FAM135A: variants seen among roughly 807,000 people sequenced by gnomAD.
FAM135A encodes the protein protein FAM135A.
In FAM135A, 79 loss-of-function variants were observed where a neutral mutation model predicts 146.8. The observed-to-expected ratio is 0.54, with a 90% confidence interval of 0.45 to 0.65. The LOEUF is 0.65. Ranked by LOEUF, FAM135A falls within the 30% of genes least tolerant of loss-of-function variation. The pLI is 0.00. For synonymous variants in FAM135A, 562 were observed against 603.6 expected (o/e 0.93, Z 1.01); for missense variants, 1,623 against 1,758.2 (o/e 0.92, Z 1.38).
chr6:70,445,378 C>T (rs186251141), intron 4 of FAM135A, among the ~76,000 whole-genome samples: 3 of 145,238 alleles, frequency 2.1e-5, no homozygotes, highest in Admixed American at 2.0e-4. Flanking sequence ...TCAGGGAAAC[C>T]CTAACCCAGT....
At chr6:70,536,934 A>ATTTTT (rs780326510) in intron 19 of FAM135A, among the ~76,000 whole-genome samples, 3 of 128,932 alleles carry the variant, frequency 2.3e-5, no homozygotes, top group Admixed American at 7.9e-5. Context: ...TGGTACTTTG[A>ATTTTT]TTTTTTTTTT....
chr6:70,428,822 TATC>T (rs1770796281), intron 4 of FAM135A, among the ~76,000 whole-genome samples: 2 of 152,334 alleles, frequency 1.3e-5, no homozygotes, highest in Middle Eastern at 3.4e-3. Context: ...AGTTTTATAA[TATC>T]ATTTTTAATT....
chr6:70,553,255 TAGA>T lies in FAM135A; in HGVS notation c.4229-3492_4229-3490del, dbSNP rs560208925. ...TGGACCCACCTATAACTGCACACCATAGAAGTTCTCCTTTAACCTGTTGATTTG... is the reference window on the plus strand; with the variant it reads ...TGGACCCACCTATAACTGCACACCATAGTTCTCCTTTAACCTGTTGATTTG... On this transcript the variant is annotated intron_variant, in intron 20 of 21. Coordinates refer to ENST00000418814, the MANE Select transcript of FAM135A (RefSeq NM_001162529.3). Among the ~76,000 whole-genome samples the T allele has an allele frequency of 4.1e-3, 628 of 152,302 alleles. 9 individuals carry two copies. Among genetic ancestry groups the T allele is most frequent in the African/African-American group, 0.015 (607 of 41,554 alleles).
In FAM135A at chr6:70,525,620, G is replaced by T; in HGVS notation, c.2536G>T (p.Asp846Tyr). The change falls in exon 15 of 22, where the codon GAT becomes TAT. Residue 846 changes from aspartate to tyrosine, a missense_variant. Physicochemically the swap from Asp to Tyr is radical, Grantham distance 160. Transcript: ENST00000418814. ...GACATCCATAAACTCTCTACCCTCCGATGATGAACTGTCACCTGATGAAAA... is the reference window on the plus strand; with the variant it reads ...GACATCCATAAACTCTCTACCCTCCTATGATGAACTGTCACCTGATGAAAA... ...SLTSINSLPSDDELSPDENSK... is the reference protein window; with the variant it reads ...SLTSINSLPSYDELSPDENSK... 6.2e-7 allele frequency: 1 copy of T among 1,613,366 alleles called. No homozygotes were observed. The highest frequency in any genetic ancestry group is 8.5e-7 in the Non-Finnish European group (1 of 1,179,636).
At chr6:70,481,892 A>G (rs1350356558) in intron 9 of FAM135A, 109 bp from the exon 10 acceptor site, 9 of 1,052,490 alleles carry the variant, frequency 8.6e-6, no homozygotes, top group Non-Finnish European at 1.1e-5. Flanking sequence ...ATGTATTAGA[A>G]TAAATTTAGT....
chr6:70,500,307 T>C (rs1455509657), intron 11 of FAM135A, among the ~76,000 whole-genome samples: 2 of 152,212 alleles, frequency 1.3e-5, no homozygotes, highest in South Asian at 4.1e-4. Context: ...CATGAAGTTC[T>C]CGTGTTGTTT....
chr6:70,526,766 T>G (rs45587732), intron 15 of FAM135A, 68 bp downstream of exon 15: 26 of 451,494 alleles, frequency 5.8e-5, no homozygotes, highest in Non-Finnish European at 7.1e-5. Context: ...CACACACACA[T>G]ACACACACAC....
chr6:70,456,429 A>T (rs1166792206), intron 5 of FAM135A, among the ~76,000 whole-genome samples: 6 of 152,142 alleles, frequency 3.9e-5, no homozygotes, highest in African/African-American at 1.4e-4. Context: ...AATTGTTTCT[A>T]CTTTGTTTTT....
intron 4 of FAM135A, among the ~76,000 whole-genome samples, chr6:70,451,851 A>G (rs548801778): frequency 6.4e-4 from 97 of 152,228 alleles, no homozygotes; most frequent in African/African-American, 2.2e-3. Context: ...TCCATTACAT[A>G]CACAAATTTG....
At chr6:70,552,448 G>C (rs1316456962) in intron 20 of FAM135A, among the ~76,000 whole-genome samples, 1 of 150,014 alleles carries the variant, frequency 6.7e-6, no homozygotes, top group Non-Finnish European at 1.5e-5. Flanking sequence ...GTAGTAAAGG[G>C]GGAATAGTTG....
chr6:70,433,928 C>A (rs918948452), intron 4 of FAM135A, among the ~76,000 whole-genome samples: 17 of 152,070 alleles, frequency 1.1e-4, no homozygotes, highest in African/African-American at 4.1e-4. Flanking sequence ...TACTAACAAT[C>A]TAAAGAAAAA....
intron 12 of FAM135A, among the ~76,000 whole-genome samples, chr6:70,515,571 G>C (rs961715202): frequency 6.6e-6 from 1 of 152,098 alleles, no homozygotes; most frequent in African/African-American, 2.4e-5. Context: ...TATGGTGACA[G>C]TAAAAAGATC....
intron 4 of FAM135A, among the ~76,000 whole-genome samples, chr6:70,443,633 G>A (rs1300497907): frequency 6.6e-6 from 1 of 152,124 alleles, no homozygotes; most frequent in African/African-American, 2.4e-5. Flanking sequence ...AGTTGAGAAT[G>A]GATATATTTT....
intron 2 of FAM135A, among the ~76,000 whole-genome samples, chr6:70,425,523 T>C (rs1193388990): frequency 6.6e-6 from 1 of 152,214 alleles, no homozygotes; most frequent in Non-Finnish European, 1.5e-5. Flanking sequence ...ATCTTTATAA[T>C]GGAGAGAAGA....
At chr6:70,558,551 T>A (rs938673679) in intron 21 of FAM135A, among the ~76,000 whole-genome samples, 6 of 152,244 alleles carry the variant, frequency 3.9e-5, no homozygotes, top group African/African-American at 1.4e-4. Flanking sequence ...GGCTCATGCC[T>A]GTAATCCCAG....
At chr6:70,429,263 A>T (rs1770916883) in intron 4 of FAM135A, among the ~76,000 whole-genome samples, 1 of 152,196 alleles carries the variant, frequency 6.6e-6, no homozygotes, top group East Asian at 1.9e-4. Context: ...CTGTAATCCC[A>T]GGACTTTGGG....
intron 4 of FAM135A, among the ~76,000 whole-genome samples, chr6:70,435,626 T>G (rs1772930519): frequency 1.3e-5 from 2 of 151,026 alleles, no homozygotes; most frequent in South Asian, 4.2e-4. Flanking sequence ...ATCAAGCAAT[T>G]CTCCTGCCTC....
chr6:70,549,599 A>G (rs1336228999), intron 20 of FAM135A, among the ~76,000 whole-genome samples: 1 of 152,122 alleles, frequency 6.6e-6, no homozygotes, highest in Non-Finnish European at 1.5e-5. Flanking sequence ...AGAGTGTGTA[A>G]TAGCATTATA....
At chr6:70,477,505 A>G (rs980690662) in intron 8 of FAM135A, among the ~76,000 whole-genome samples, 173 bp downstream of exon 8, 36 of 152,160 alleles carry the variant, frequency 2.4e-4, no homozygotes, top group African/African-American at 1.4e-4. Context: ...CAGGAAACTT[A>G]TAATCATGGC....
Sources: gnomAD v4.1 joint callset for allele counts (sites outside exome capture counted in the v4.1 genomes callset) on GRCh38, gnomAD v4.1.1 for gene constraint, MANE v1.5 for transcripts, NCBI Gene and HGNC (gene_info 2026-07-23, HGNC 2026-07-21) for gene names.